The following TCF20 variants were observed in gnomAD, a reference collection of about 807,000 sequenced individuals.
The protein encoded by TCF20 is transcription factor 20, also known as SPRE-binding protein.
A neutral mutation model predicts 148.6 loss-of-function variants in TCF20; 3 were observed. The observed-to-expected ratio is 0.02, with a 90% CI of 0.01 to 0.05. The LOEUF is 0.05. Among genes scored for constraint, TCF20 ranks in the 10% least tolerant of loss-of-function variants. The pLI is 1.00. For synonymous variants in TCF20, 1,049 were observed against 909.5 expected (o/e 1.15, Z -2.76); for missense variants, 2,350 against 2,429.3 (o/e 0.97, Z 0.69).
At chr22:42,169,157 C>G (rs1489144213) in intron 4 of TCF20, among the ~76,000 whole-genome samples, 1 of 151,504 alleles carries the variant, frequency 6.6e-6, no homozygotes, top group African/African-American at 2.4e-5. Context: ...CAGCCAGAGA[C>G]ACAGTGCAGC....
chr22:42,180,301 C>A (rs1026555737), intron 2 of TCF20, among the ~76,000 whole-genome samples: 1 of 152,090 alleles, frequency 6.6e-6, no homozygotes, highest in Non-Finnish European at 1.5e-5. Context: ...ATACATGAAT[C>A]TTATTTTAAA....
intron 1 of TCF20, among the ~76,000 whole-genome samples, chr22:42,263,460 A>G (rs1345600131): frequency 2.0e-5 from 3 of 152,176 alleles, no homozygotes; most frequent in African/African-American, 7.2e-5. Context: ...GCTTCCCTGA[A>G]ACTGAGGTCT....
intron 2 of TCF20, among the ~76,000 whole-genome samples, chr22:42,189,579 C>T (rs549619486): frequency 2.0e-5 from 3 of 152,246 alleles, no homozygotes; most frequent in South Asian, 2.1e-4. Flanking sequence ...GATTGTTTTC[C>T]GTTGTCTTAG....
At position 42,312,868 on chromosome 22, in the gene TCF20, C is replaced by T. The variant is rs560559703; in HGVS notation, c.-37+30611G>A. ...GCCCCAATCTAGTGCCCTGCATGCC[C>T]AATGCCCAGGCCTCAAGGCCCACGT... On this transcript the variant is annotated intron_variant, in intron 1 of 1. Coordinates refer to the TCF20 transcript ENST00000515426. Among the ~76,000 whole-genome samples the T allele has an allele frequency of 1.3e-3, 203 of 152,254 alleles. 6 individuals carry two copies. The South Asian group carries it at 0.041, about 31-fold the overall frequency.
intron 1 of TCF20, among the ~76,000 whole-genome samples, chr22:42,310,501 G>A (rs909967753): frequency 6.6e-6 from 1 of 152,104 alleles, no homozygotes; most frequent in Non-Finnish European, 1.5e-5. Context: ...AGCCAGGGGG[G>A]CGCGTGGGCT....
Position 42,213,906 on chromosome 22 carries a change from G to C in TCF20, c.1400C>G (p.Pro467Arg), listed in dbSNP as rs763578227. 2 of 1,614,166 alleles carry C rather than the reference G, an allele frequency of 1.2e-6. No individual in the cohort carries two copies. Among genetic ancestry groups the C allele is most frequent in the Non-Finnish European group, 1.7e-6 (2 of 1,180,018 alleles). The change falls in exon 2 of 6, where the codon CCT becomes CGT. Residue 467 changes from proline to arginine, a missense_variant. Pro to Arg is a moderately radical substitution (Grantham distance 103). Around this residue, in one of 7 missense-constraint regions of TCF20, gnomAD observed 1,641 missense variants for 1,662.6 expected, o/e 0.99. Transcript: ENST00000677622. ...SALSTQVANL[P>R]NTVQHMLLSD... Reference sequence around the variant, plus strand: ...AAGTAACATGTGCTGGACAGTGTTAGGAAGATTGGCCACTTGAGTACTCAG... The same window carrying C: ...AAGTAACATGTGCTGGACAGTGTTACGAAGATTGGCCACTTGAGTACTCAG...
At chr22:42,183,712 T>C (rs1213708512) in intron 2 of TCF20, among the ~76,000 whole-genome samples, 2 of 152,072 alleles carry the variant, frequency 1.3e-5, no homozygotes, top group Non-Finnish European at 2.9e-5. Context: ...ATGACAATGA[T>C]AGAAAACTAA....
intron 1 of TCF20, among the ~76,000 whole-genome samples, chr22:42,335,378 C>T (rs981402420): frequency 6.6e-6 from 1 of 152,152 alleles, no homozygotes; most frequent in Non-Finnish European, 1.5e-5. Context: ...GCACCAGCCA[C>T]GTTTTCACCT....
intron 2 of TCF20, among the ~76,000 whole-genome samples, chr22:42,183,866 T>A (rs1043125553): frequency 6.6e-6 from 1 of 151,900 alleles, no homozygotes; most frequent in Non-Finnish European, 1.5e-5. Context: ...CCTCCCGGGT[T>A]CAAGCGATTC....
In TCF20 at chr22:42,214,925, G is replaced by A; in HGVS notation, c.381C>T (p.Gly127=). 1 of 1,614,204 alleles carries A rather than the reference G, an allele frequency of 6.2e-7. No homozygotes were observed. The change falls in exon 2 of 6, where the codon GGC becomes GGT. Residue 127 remains glycine, a synonymous_variant. Transcript: ENST00000677622. ...SYGPPQGSSF[G]NQYGSEGHVG... Reference sequence around the variant, plus strand: ...CATGACCCTCACTCCCATACTGATTGCCAAAGCTGCTCCCCTGGGGGGGTC... The same window carrying A: ...CATGACCCTCACTCCCATACTGATTACCAAAGCTGCTCCCCTGGGGGGGTC...
At chr22:42,239,064 G>A (rs1475503286) in intron 1 of TCF20, among the ~76,000 whole-genome samples, 1 of 152,024 alleles carries the variant, frequency 6.6e-6, no homozygotes, top group East Asian at 1.9e-4. Flanking sequence ...CTTGCAGTGA[G>A]CCGAAATCGC....
At chr22:42,310,828 G>A (rs1248815562) in intron 1 of TCF20, among the ~76,000 whole-genome samples, 1 of 152,212 alleles carries the variant, frequency 6.6e-6, no homozygotes, top group African/African-American at 2.4e-5. Flanking sequence ...CACTCTGAGA[G>A]CCCAGGAGGG....
chr22:42,263,000 T>G (rs1343695101), intron 1 of TCF20, among the ~76,000 whole-genome samples: 1 of 152,144 alleles, frequency 6.6e-6, no homozygotes, highest in Non-Finnish European at 1.5e-5. Context: ...GATGGTTTAA[T>G]GGACAGCTAC....
At chr22:42,194,642 C>G (rs566291775) in intron 2 of TCF20, among the ~76,000 whole-genome samples, 1 of 152,102 alleles carries the variant, frequency 6.6e-6, no homozygotes, top group South Asian at 2.1e-4. Flanking sequence ...CTGAGAAAGC[C>G]AGGCAAAGTG....
intron 1 of TCF20, among the ~76,000 whole-genome samples, chr22:42,340,859 G>A (rs967402019): frequency 6.6e-6 from 1 of 152,078 alleles, no homozygotes; most frequent in Non-Finnish European, 1.5e-5. Flanking sequence ...GAGGGGAAAG[G>A]GGAGGGGAAA....
chr22:42,258,272 C>G (rs370391464), intron 1 of TCF20, among the ~76,000 whole-genome samples: 253 of 152,126 alleles, frequency 1.7e-3, no homozygotes, highest in Admixed American at 2.2e-3. Context: ...ACCTCCCCCC[C>G]CTTCCCTAGG....
chr22:42,204,181 T>G (rs1938230240), intron 2 of TCF20, among the ~76,000 whole-genome samples: 1 of 152,242 alleles, frequency 6.6e-6, no homozygotes, highest in South Asian at 2.1e-4. Flanking sequence ...TATCCATTAT[T>G]TAAACTTGTA....
Position 42,211,644 on chromosome 22 carries a change from T to C in TCF20, c.3662A>G (p.His1221Arg), listed in dbSNP as rs751872383. The change falls in exon 2 of 6, where the codon CAT (histidine) becomes CGT (arginine). Residue 1221 changes from histidine (H) to arginine (R), a missense_variant. By Grantham distance (29) the His-to-Arg change is conservative. Coordinates refer to ENST00000677622, the MANE Select transcript of TCF20 (RefSeq NM_001378418.1). Reference sequence around the variant, plus strand: ...TGACTGTGTAGCCTCAGCTAGTCCATGTCCATCAGTCTCATGGGGCGGCCC... The same window carrying C: ...TGACTGTGTAGCCTCAGCTAGTCCACGTCCATCAGTCTCATGGGGCGGCCC... The part of the protein sequence containing the change: ...RYGPPHETDG[H>R]GLAEATQSSK... 1.9e-6 allele frequency: 3 copies of C among 1,614,240 alleles called. No homozygotes were observed. The highest frequency in any genetic ancestry group is 2.5e-6 in the Non-Finnish European group (3 of 1,180,040).
chr22:42,238,898 A>ACT (rs1569176095), intron 1 of TCF20, among the ~76,000 whole-genome samples: 2 of 151,606 alleles, frequency 1.3e-5, no homozygotes, highest in African/African-American at 4.8e-5. Context: ...TGGGTGGATC[A>ACT]TGAGGTCAGG....
Sources: allele counts gnomAD v4.1 joint callset (sites outside exome capture counted in the v4.1 genomes callset), GRCh38; gene constraint gnomAD v4.1.1; regional missense constraint gnomAD v4.1.1; transcripts MANE v1.5; gene names NCBI Gene and HGNC (gene_info 2026-07-23, HGNC 2026-07-21).